Variants in DIAPH2 observed in about 807,000 individuals in gnomAD.
DIAPH2 encodes the protein protein diaphanous homolog 2.
DIAPH2 carries 35 observed loss-of-function variants against 92.7 expected under a neutral mutation model. The observed-to-expected ratio is 0.38, with a 90% CI of 0.29 to 0.50. The LOEUF (loss-of-function observed/expected upper bound fraction) is 0.50. Ranked by LOEUF, DIAPH2 falls within the 20% of genes least tolerant of loss-of-function variation. DIAPH2 has a pLI of 0.94. For synonymous variants in DIAPH2, 301 were observed against 280.4 expected, an observed-to-expected ratio of 1.07 and a Z score of -0.73; for missense variants, 701 against 819.5, an observed-to-expected ratio of 0.86 and a Z score of 1.77.
chrX:97,576,352 T>C (rs1228878455), intron 26 of DIAPH2, among the ~76,000 whole-genome samples: 1 of 111,790 alleles, frequency 8.9e-6, no homozygotes, highest in African/African-American at 3.3e-5. Context: ...AACAAAGTGT[T>C]TTGTTCTCTG....
intron 20 of DIAPH2, among the ~76,000 whole-genome samples, chrX:97,112,279 T>A (rs2066985727): frequency 9.0e-6 from 1 of 111,502 alleles, no homozygotes; most frequent in Admixed American, 9.5e-5. Flanking sequence ...CTGCAAAGTA[T>A]GGCCAGGAGA....
At chrX:96,810,793 TG>T (rs928085691) in intron 4 of DIAPH2, among the ~76,000 whole-genome samples, 4 of 112,027 alleles carry the variant, frequency 3.6e-5, no homozygotes, top group Non-Finnish European at 5.6e-5. Flanking sequence ...CCCCATTTCT[TG>T]TTTTTGTCAG....
chrX:96,885,841 T>C (rs1248441310), intron 5 of DIAPH2, among the ~76,000 whole-genome samples: 3 of 111,722 alleles, frequency 2.7e-5, no homozygotes, highest in Non-Finnish European at 3.8e-5. Flanking sequence ...TTCTGTAAGT[T>C]TGATGTGCTG....
At chrX:96,711,092 TG>T (rs2063915147) in intron 1 of DIAPH2, among the ~76,000 whole-genome samples, 1 of 112,384 alleles carries the variant, frequency 8.9e-6, no homozygotes, top group Non-Finnish European at 1.9e-5. Flanking sequence ...TGCTGGCTGA[TG>T]GGCATTTAGG....
chrX:97,017,410 A>G (rs971856945), intron 17 of DIAPH2, among the ~76,000 whole-genome samples: 1 of 111,912 alleles, frequency 8.9e-6, no homozygotes, highest in Non-Finnish European at 1.9e-5. Context: ...TCAATAAAGC[A>G]CTGGGCAACA....
chrX:96,775,138 T>C (rs1015516239), intron 4 of DIAPH2, among the ~76,000 whole-genome samples: 3 of 111,214 alleles, frequency 2.7e-5, no homozygotes, highest in Non-Finnish European at 5.7e-5. Flanking sequence ...TGAGGACCGT[T>C]GTTCATCATC....
chrX:97,404,221 C>G lies in DIAPH2; in HGVS notation c.3145+20177C>G, dbSNP rs1051389546. Among the ~76,000 whole-genome samples the G allele has an allele frequency of 4.5e-5, 5 of 111,770 alleles. No individual in the cohort carries two copies. The South Asian group carries it at 1.9e-3, about 42-fold the overall frequency. On this transcript the variant is annotated intron_variant, in intron 25 of 26. Coordinates refer to ENST00000324765, the MANE Select transcript of DIAPH2 (RefSeq NM_006729.5). ...GCTGTACTTGTATTCCTGGCAAGTT[C>G]CATTATTCTTGAATGTAATCATTAT...
chrX:96,846,765 G>GTTT (rs35260797), intron 4 of DIAPH2, among the ~76,000 whole-genome samples: 2 of 94,557 alleles, frequency 2.1e-5, no homozygotes, highest in Middle Eastern at 5.5e-3. Context: ...GTACAAAATA[G>GTTT]TTTTTTTTTT....
intron 23 of DIAPH2, among the ~76,000 whole-genome samples, chrX:97,295,926 T>A (rs2068639748): frequency 9.1e-6 from 1 of 110,047 alleles, no homozygotes; most frequent in African/African-American, 3.3e-5. Context: ...GAGACAGGGC[T>A]TCACCACGTT....
At chrX:97,517,140 C>T (rs908131383) in intron 26 of DIAPH2, among the ~76,000 whole-genome samples, 5 of 111,722 alleles carry the variant, frequency 4.5e-5, no homozygotes, top group African/African-American at 1.6e-4. Flanking sequence ...ATTGCTTCAA[C>T]ACTGCTTCTA....
intron 5 of DIAPH2, among the ~76,000 whole-genome samples, chrX:96,901,185 C>G (rs2065391118): frequency 9.1e-6 from 1 of 110,358 alleles, no homozygotes; most frequent in Non-Finnish European, 1.9e-5. Flanking sequence ...CTGATTTAAT[C>G]TAGGAGGGCT....
rs1028356697 is a variant in DIAPH2, at chrX:97,060,677, T to C, written c.2051-12264T>C. ...ATTATCTAACTCTTGGCTACAAAAT[T>C]AATAAGAGGTGCACAGTGGGCAATT... is the stretch of plus-strand genomic sequence containing the variant. On this transcript the variant is annotated intron_variant, in intron 17 of 26. Coordinates refer to ENST00000324765, the MANE Select transcript of DIAPH2 (RefSeq NM_006729.5). 3.6e-5 allele frequency among the ~76,000 whole-genome samples: 4 copies of C among 111,993 alleles called. No individual in the cohort carries two copies. In the East Asian group the frequency reaches 1.1e-3, roughly 31 times the overall value.
intron 26 of DIAPH2, among the ~76,000 whole-genome samples, chrX:97,541,943 G>A (rs2079181817): frequency 8.9e-6 from 1 of 112,378 alleles, no homozygotes; most frequent in Admixed American, 9.4e-5. Flanking sequence ...GATCATGTTG[G>A]GCTTTAAAAT....
Position 97,293,243 on chromosome X carries a change from C to CTTTTTT in DIAPH2, c.2844+45425_2844+45430dup, listed in dbSNP as rs1184478622. On this transcript the variant is annotated intron_variant, in intron 23 of 26. Transcript: ENST00000324765. ...GGCCTGTCTTTGTTGATATTTCTTT[C>CTTTTTT]TTTTTTTTTTTTTTTTTTTTTTTTT... 5.1e-4 allele frequency among the ~76,000 whole-genome samples: 32 copies of CTTTTTT among 63,217 alleles called. 1 individual carries two copies. Among genetic ancestry groups the CTTTTTT allele is most frequent in the African/African-American group, 8.3e-4 (13 of 15,591 alleles). 54.9% of individuals were successfully genotyped at this position (63,217 alleles called of 115,157 possible).
intron 4 of DIAPH2, among the ~76,000 whole-genome samples, chrX:96,807,944 C>CAAAAAAAAAAAAAAAAAAA (rs541681495): frequency 4.1e-4 from 6 of 14,490 alleles, no homozygotes; most frequent in Non-Finnish European, 4.8e-4. Context: ...GTAGAAATAG[C>CAAAAAAAAAAAAAAAAAAA]AAAAAAAAAA....
intron 26 of DIAPH2, among the ~76,000 whole-genome samples, chrX:97,480,202 C>A (rs1281754185): frequency 9.0e-6 from 1 of 111,425 alleles, no homozygotes; most frequent in Non-Finnish European, 1.9e-5. Flanking sequence ...TATAAGTAGG[C>A]CATGTGGGAC....
chrX:96,854,385 A>C (rs919159438), intron 4 of DIAPH2, among the ~76,000 whole-genome samples: 6 of 107,322 alleles, frequency 5.6e-5, no homozygotes, highest in African/African-American at 2.0e-4. Context: ...ACATACTTTG[A>C]AATGAAATCC....
intron 4 of DIAPH2, among the ~76,000 whole-genome samples, chrX:96,877,139 A>AT (rs2065185956): frequency 9.0e-6 from 1 of 111,082 alleles, no homozygotes; most frequent in South Asian, 3.8e-4. Flanking sequence ...AAATAAATAG[A>AT]TTCACTTGGA....
intron 26 of DIAPH2, among the ~76,000 whole-genome samples, chrX:97,549,590 G>T (rs2071205425): frequency 9.0e-6 from 1 of 111,026 alleles, no homozygotes; most frequent in Admixed American, 9.6e-5. Context: ...TTGTATAATA[G>T]TACATTTATC....
Sources: gnomAD v4.1 joint callset for allele counts (sites outside exome capture counted in the v4.1 genomes callset) on GRCh38, gnomAD v4.1.1 for gene constraint, MANE v1.5 for transcripts, NCBI Gene and HGNC (gene_info 2026-07-23, HGNC 2026-07-21) for gene names.